RPS6KC1: variants seen among roughly 807,000 people sequenced by gnomAD.
RPS6KC1 encodes ribosomal protein S6 kinase C1.
In RPS6KC1, 54 loss-of-function variants were observed where a neutral mutation model predicts 103.8. The observed-to-expected ratio is 0.52, with a 90% confidence interval of 0.42 to 0.65. RPS6KC1 has a LOEUF of 0.65. Ranked by LOEUF, RPS6KC1 falls within the 30% of genes least tolerant of loss-of-function variation. The pLI is 0.00. For missense variants in RPS6KC1, 1,151 were observed against 1,253.8 expected (o/e 0.92, Z 1.24); for synonymous variants, 439 against 438.7 (o/e 1.00, Z -0.01).
the RPS6KC1 span, among the ~76,000 whole-genome samples, chr1:213,444,954 A>T: frequency 6.6e-6 from 1 of 152,124 alleles, no homozygotes; most frequent in South Asian, 2.1e-4. Flanking sequence ...TCCATTTGAG[A>T]ACATTTTCAT....
At chr1:213,849,672 CATTAA>C in the RPS6KC1 span, among the ~76,000 whole-genome samples, 1 of 152,064 alleles carries the variant, frequency 6.6e-6, no homozygotes, top group Non-Finnish European at 1.5e-5. Context: ...ATATAAATCA[CATTAA>C]ATTAATATAT....
the RPS6KC1 span, among the ~76,000 whole-genome samples, chr1:213,426,050 G>A: frequency 6.6e-6 from 1 of 152,126 alleles, no homozygotes; most frequent in Admixed American, 6.5e-5. Flanking sequence ...TTCTTCTGTG[G>A]TTGAGCCCCC....
intron 8 of RPS6KC1, among the ~76,000 whole-genome samples, chr1:213,227,370 G>A (rs1050165068): frequency 6.6e-6 from 1 of 152,208 alleles, no homozygotes; most frequent in Non-Finnish European, 1.5e-5. Flanking sequence ...TGTGTTATGT[G>A]ATAGAATAAT....
chr1:213,263,343 T>C (rs921841118), intron 14 of RPS6KC1, among the ~76,000 whole-genome samples: 1 of 151,706 alleles, frequency 6.6e-6, no homozygotes, highest in Non-Finnish European at 1.5e-5. Context: ...AGACCATTGA[T>C]AATTAAAGTT....
At chr1:213,405,493 T>G in the RPS6KC1 span, among the ~76,000 whole-genome samples, 1 of 152,170 alleles carries the variant, frequency 6.6e-6, no homozygotes, top group Non-Finnish European at 1.5e-5. Flanking sequence ...TGCCTGTGTA[T>G]GTGGTGTGCA....
At chr1:213,526,471 A>G in the RPS6KC1 span, among the ~76,000 whole-genome samples, 1 of 152,248 alleles carries the variant, frequency 6.6e-6, no homozygotes, top group Admixed American at 6.5e-5. Flanking sequence ...TGGGTGAAGC[A>G]TAGGAGGGGA....
Position 213,241,809 on chromosome 1 carries a change from T to C in RPS6KC1, c.2333T>C (p.Val778Ala), listed in dbSNP as rs769130007. Residue 778 changes from valine (V) to alanine (A), a missense_variant, in exon 11 of 15, where the codon GTA (valine) becomes GCA (alanine). Coordinates refer to ENST00000366960, the MANE Select transcript of RPS6KC1 (RefSeq NM_012424.6). Reference protein sequence around the residue: ...YAQEDPRMLFVAAVDHSSSGD... With the variant: ...YAQEDPRMLFAAAVDHSSSGD... ...CAGGAGGATCCCAGGATGTTATTTG[T>C]AGCAGCTGTTGATCATAGTAGTTCA... 3 of 1,613,994 alleles carry C rather than the reference T, an allele frequency of 1.9e-6. No individual in the cohort carries two copies. Among genetic ancestry groups the C allele is most frequent in the Non-Finnish European group, 2.5e-6 (3 of 1,179,928 alleles).
chr1:213,630,593 T>A, the RPS6KC1 span, among the ~76,000 whole-genome samples: 3 of 152,342 alleles, frequency 2.0e-5, no homozygotes, highest in Non-Finnish European at 2.9e-5. Flanking sequence ...AAAGTCATTC[T>A]CCATCCAGCT....
chr1:213,063,798 T>C (rs2078052190), intron 1 of RPS6KC1, among the ~76,000 whole-genome samples: 1 of 152,206 alleles, frequency 6.6e-6, no homozygotes, highest in South Asian at 2.1e-4. Context: ...AAGAGGTAAA[T>C]TGAATTGATT....
At chr1:213,295,688 A>T in the RPS6KC1 span, among the ~76,000 whole-genome samples, 1 of 152,348 alleles carries the variant, frequency 6.6e-6, no homozygotes, top group African/African-American at 2.4e-5. Context: ...GATTAAAGTT[A>T]ACACGTCATT....
the RPS6KC1 span, among the ~76,000 whole-genome samples, chr1:213,641,068 A>G: frequency 6.6e-6 from 1 of 151,834 alleles, no homozygotes; most frequent in African/African-American, 2.4e-5. Context: ...TGACACTTTT[A>G]GAAATATGTA....
At chr1:213,419,909 A>G in the RPS6KC1 span, among the ~76,000 whole-genome samples, 1 of 152,324 alleles carries the variant, frequency 6.6e-6, no homozygotes, top group African/African-American at 2.4e-5. Context: ...TGTGGGAGGA[A>G]GAGGAGCTTG....
At chr1:213,294,726 G>C in the RPS6KC1 span, among the ~76,000 whole-genome samples, 1 of 152,134 alleles carries the variant, frequency 6.6e-6, no homozygotes, top group Admixed American at 6.5e-5. Context: ...CTAGCAATTT[G>C]TTCATCTTCT....
the RPS6KC1 span, among the ~76,000 whole-genome samples, chr1:213,699,710 T>G: frequency 6.6e-6 from 1 of 152,178 alleles, no homozygotes; most frequent in Admixed American, 6.5e-5. Context: ...CCAGCCTTTG[T>G]TATTGTCTCT....
chr1:213,099,997 G>C (rs1049821871), intron 3 of RPS6KC1, among the ~76,000 whole-genome samples: 8 of 152,140 alleles, frequency 5.3e-5, no homozygotes, highest in Admixed American at 3.9e-4. Flanking sequence ...ATAATTTCTG[G>C]ATCATAAGAT....
At chr1:213,253,585 C>T (rs907096819) in intron 12 of RPS6KC1, among the ~76,000 whole-genome samples, 1 of 152,068 alleles carries the variant, frequency 6.6e-6, no homozygotes, top group Non-Finnish European at 1.5e-5. Flanking sequence ...AATGTTAGAT[C>T]TGTCTTTGGT....
the RPS6KC1 span, among the ~76,000 whole-genome samples, chr1:213,862,452 G>C: frequency 6.6e-6 from 1 of 152,148 alleles, no homozygotes; most frequent in Non-Finnish European, 1.5e-5. Flanking sequence ...AGAAGCACCA[G>C]AGCACGTGAT....
the RPS6KC1 span, among the ~76,000 whole-genome samples, chr1:213,596,326 G>C: frequency 0.021 from 3,179 of 152,294 alleles, 120 homozygotes; most frequent in African/African-American, 0.072. Flanking sequence ...CTGGTTCCCT[G>C]TCTCCTTCAA....
chr1:213,817,181 C>T, the RPS6KC1 span, among the ~76,000 whole-genome samples: 1 of 152,108 alleles, frequency 6.6e-6, no homozygotes, highest in Non-Finnish European at 1.5e-5. Flanking sequence ...GAAGATGGGA[C>T]CCTGGCAGTG....
Sources: gnomAD v4.1 joint callset for allele counts (sites outside exome capture counted in the v4.1 genomes callset) on GRCh38, gnomAD v4.1.1 for gene constraint, MANE v1.5 for transcripts, NCBI Gene and HGNC (gene_info 2026-07-23, HGNC 2026-07-21) for gene names.